The following GPCPD1 variants were observed in gnomAD, a reference collection of about 807,000 sequenced individuals.
GPCPD1 encodes glycerophosphocholine phosphodiesterase GPCPD1.
Under a neutral mutation model 89.2 loss-of-function variants are expected in GPCPD1, and 29 were observed. The ratio of observed to expected loss-of-function variants is 0.33; its 90% CI spans 0.24 to 0.44. GPCPD1 has a LOEUF of 0.44. Ranked by LOEUF, GPCPD1 falls within the 20% of genes least tolerant of loss-of-function variation. GPCPD1 has a pLI of 1.00. For missense variants in GPCPD1, 594 were observed against 808.9 expected, an observed-to-expected ratio of 0.73 and a Z score of 3.22; for synonymous variants, 258 against 266.3, an observed-to-expected ratio of 0.97 and a Z score of 0.30.
chr20:5,563,258 C>T (rs926559766), intron 15 of GPCPD1, among the ~76,000 whole-genome samples: 2 of 151,078 alleles, frequency 1.3e-5, no homozygotes, highest in African/African-American at 2.4e-5. Context: ...GGATTACAGG[C>T]GTAAGCCACC....
At chr20:5,561,663 T>C (rs1458823800) in intron 15 of GPCPD1, 133 bp from the exon 16 acceptor site, 8 of 551,450 alleles carry the variant, frequency 1.5e-5, no homozygotes, top group Admixed American at 1.3e-4. Context: ...TTGTGCATAA[T>C]GCACAAACAT....
intron 12 of GPCPD1, among the ~76,000 whole-genome samples, chr20:5,569,446 A>G (rs1986582305): frequency 6.6e-6 from 1 of 151,084 alleles, no homozygotes; most frequent in Non-Finnish European, 1.5e-5. Context: ...TGTTTGTACA[A>G]AAACAATTAC....
At chr20:5,548,753 G>C in intron 19 of GPCPD1, 2 of 272,456 alleles carry the variant, frequency 7.3e-6, no homozygotes, top group Non-Finnish European at 1.4e-5. Flanking sequence ...GTTTGTCAGT[G>C]AGAGAACTGA....
rs554603308 is a variant in GPCPD1 at position 5,588,204 on chromosome 20, C to T, written c.232-1935G>A. Among the ~76,000 whole-genome samples, 6 of 152,242 alleles carry T rather than the reference C, an allele frequency of 3.9e-5. No individual in the cohort carries two copies. The South Asian group carries it at 1.0e-3, about 26-fold the overall frequency. ...TTTTTAAATATCAAACTTTCTAAAC[C>T]TCAAAAGTTGCAAATATAGGACAGG... On this transcript the variant is annotated intron_variant, in intron 4 of 19. Transcript: ENST00000379019.
At chr20:5,582,000 C>G (rs1227489794) in intron 6 of GPCPD1, among the ~76,000 whole-genome samples, 3 of 146,828 alleles carry the variant, frequency 2.0e-5, no homozygotes, top group Non-Finnish European at 4.5e-5. Flanking sequence ...CTGGCTAACA[C>G]GGTGAAACCC....
chr20:5,579,562 G>A (rs1022502284), intron 7 of GPCPD1, among the ~76,000 whole-genome samples: 1 of 152,150 alleles, frequency 6.6e-6, no homozygotes, highest in Non-Finnish European at 1.5e-5. Context: ...TGGCCAGTCT[G>A]GTCTTGAACT....
chr20:5,564,967 AC>A, intron 15 of GPCPD1, 49 bp downstream of exon 15: 1 of 860,392 alleles, frequency 1.2e-6, no homozygotes, highest in Non-Finnish European at 2.0e-6. Context: ...AATTATTCAT[AC>A]ATGACAAAGT....
intron 2 of GPCPD1, among the ~76,000 whole-genome samples, chr20:5,600,358 A>G (rs1348428205): frequency 6.6e-6 from 1 of 151,840 alleles, no homozygotes; most frequent in African/African-American, 2.4e-5. Flanking sequence ...GAGTTTGAGA[A>G]CAGCTTGGCC....
chr20:5,609,459 G>A (rs548571284), intron 1 of GPCPD1, among the ~76,000 whole-genome samples: 25 of 152,176 alleles, frequency 1.6e-4, no homozygotes, highest in Middle Eastern at 3.4e-3. Context: ...GTTTCTTTAC[G>A]CCAAGTTAAT....
intron 14 of GPCPD1, among the ~76,000 whole-genome samples, chr20:5,566,195 G>C (rs1031239463): frequency 2.0e-5 from 3 of 151,918 alleles, no homozygotes; most frequent in Non-Finnish European, 2.9e-5. Context: ...CAGTCTCTGG[G>C]AATATAAAAA....
Position 5,583,139 on chromosome 20 carries a change from G to T in GPCPD1, c.349+1142C>A, listed in dbSNP as rs6107656. Among the ~76,000 whole-genome samples the T allele has an allele frequency of 4.3e-3, 642 of 148,446 alleles. 6 individuals are homozygous for T. Among genetic ancestry groups the T allele is most frequent in the Non-Finnish European group, 7.0e-3 (473 of 67,626 alleles). ...CTCAGGAGGCTGAGACAGGAGAATC[G>T]CTTGAACCTGGGAGGCAGAGAGTGC... On this transcript the variant is annotated intron_variant, in intron 6 of 19. Transcript: ENST00000379019.
chr20:5,587,770 TATTG>T (rs1979030605), intron 4 of GPCPD1, among the ~76,000 whole-genome samples: 1 of 152,254 alleles, frequency 6.6e-6, no homozygotes, highest in African/African-American at 2.4e-5. Flanking sequence ...AGGATTTTAA[TATTG>T]ATTAAATTTG....
At position 5,604,429 on chromosome 20, in the gene GPCPD1, T is replaced by C. The variant is rs1980401182; in HGVS notation, c.-17A>G. 1 of 1,531,672 alleles carries C rather than the reference T, an allele frequency of 6.5e-7. No individual in the cohort carries two copies. Among genetic ancestry groups the C allele is most frequent in the African/African-American group, 1.4e-5 (1 of 72,808 alleles). 94.9% of individuals were successfully genotyped at this position (1,531,672 alleles called of 1,614,324 possible). A position where few individuals can be genotyped will look rare whatever the true frequency, so the allele number is the denominator to read the frequency against. Reference sequence around the variant, plus strand: ...AGGTGTCATTCTGATGGATTTATTTTATGATGTCGTGCTAGGAAAAAAAAG... The same window carrying C: ...AGGTGTCATTCTGATGGATTTATTTCATGATGTCGTGCTAGGAAAAAAAAG... On this transcript the variant is annotated 5_prime_UTR_variant, in exon 2 of 20. It adds an upstream start codon to the 5' untranslated region. Coordinates refer to ENST00000379019, the MANE Select transcript of GPCPD1 (RefSeq NM_019593.5).
intron 7 of GPCPD1, among the ~76,000 whole-genome samples, chr20:5,579,470 C>G (rs1355634598): frequency 6.6e-6 from 1 of 152,194 alleles, no homozygotes; most frequent in Admixed American, 6.5e-5. Flanking sequence ...GCCTCAGCCT[C>G]CCAAGCAGCT....
intron 3 of GPCPD1, 107 bp downstream of exon 3, chr20:5,598,618 T>C (rs1979904025): frequency 1.5e-6 from 1 of 670,422 alleles, no homozygotes; most frequent in Non-Finnish European, 2.6e-6. Flanking sequence ...GTGATAATGT[T>C]GATAAAAATT....
chr20:5,549,007 C>A, intron 19 of GPCPD1: 1 of 725,688 alleles, frequency 1.4e-6, no homozygotes, highest in Non-Finnish European at 2.3e-6. Flanking sequence ...GACAAGCAAA[C>A]CTGCCGCTGA....
At chr20:5,575,390 T>C in intron 10 of GPCPD1, 23 bp downstream of exon 10, 1 of 1,570,912 alleles carries the variant, frequency 6.4e-7, no homozygotes, top group African/African-American at 1.4e-5. Context: ...CAAATGCTAA[T>C]CCTACTCAAA....
chr20:5,584,527 A>T, intron 5 of GPCPD1: 2 of 351,156 alleles, frequency 5.7e-6, no homozygotes, highest in Non-Finnish European at 1.1e-5. Context: ...GTTCTTACAT[A>T]CTTCGTTGAT....
chr20:5,607,298 A>C (rs1980654033), intron 1 of GPCPD1, among the ~76,000 whole-genome samples: 1 of 151,542 alleles, frequency 6.6e-6, no homozygotes, highest in Non-Finnish European at 1.5e-5. Context: ...AAAGAAAAGA[A>C]AGAAAGAAAA....
Sources: gnomAD v4.1 joint callset for allele counts (sites outside exome capture counted in the v4.1 genomes callset) on GRCh38, gnomAD v4.1.1 for gene constraint, MANE v1.5 for transcripts, NCBI Gene and HGNC (gene_info 2026-07-23, HGNC 2026-07-21) for gene names.